ABCA8: variants seen among roughly 807,000 people sequenced by gnomAD.
ABCA8 encodes the protein ABC-type organic anion transporter ABCA8.
Under a neutral mutation model 192.3 loss-of-function variants are expected in ABCA8, and 177 were observed. The ratio of observed to expected loss-of-function variants is 0.92; its 90% CI spans 0.81 to 1.04. The LOEUF (loss-of-function observed/expected upper bound fraction) is 1.04. Ranked by LOEUF, ABCA8 falls within the 50% of genes least tolerant of loss-of-function variation. The pLI, the probability that ABCA8 is intolerant of heterozygous loss-of-function variation, is 0.00. For synonymous variants in ABCA8, 642 were observed against 690.2 expected (o/e 0.93, Z 1.09); for missense variants, 1,915 against 1,904.8 (o/e 1.01, Z -0.10).
intron 12 of ABCA8, 48 bp downstream of exon 12, chr17:68,922,194 C>CTCTTTTTTTTTTTTTTTTTT (rs2067555391): frequency 2.0e-6 from 1 of 495,980 alleles, no homozygotes; most frequent in Non-Finnish European, 2.6e-6. Context: ...TTCTCTCTCT[C>CTCTTTTTTTTTTTTTTTTTT]TTTTTTTTTT....
chr17:68,888,364 G>A (rs1430875174), intron 24 of ABCA8, among the ~76,000 whole-genome samples: 1 of 151,998 alleles, frequency 6.6e-6, no homozygotes, highest in Non-Finnish European at 1.5e-5. Context: ...TATTCTAAGA[G>A]TTGTGAATTT....
chr17:68,922,016 TATTC>T (rs893422096), intron 12 of ABCA8, among the ~76,000 whole-genome samples: 1 of 151,922 alleles, frequency 6.6e-6, no homozygotes, highest in Non-Finnish European at 1.5e-5. Context: ...TTCTAAAACA[TATTC>T]ATTTTTTTCT....
At chr17:68,897,646 C>A (rs1452441827) in intron 21 of ABCA8, among the ~76,000 whole-genome samples, 3 of 151,980 alleles carry the variant, frequency 2.0e-5, no homozygotes, top group Admixed American at 2.0e-4. Flanking sequence ...CAGATTATAC[C>A]AATAAAAAGT....
chr17:68,918,087 G>A lies in ABCA8; in HGVS notation c.2007C>T (p.Leu669=). The change falls in exon 16 of 40, where the codon CTC becomes CTT. Residue 669 remains leucine, a synonymous_variant. Transcript: ENST00000586539. ...CCTCATCCATGAACTGGGTACTGAA[G>A]AGGATCACGCGGTCTGTTTTGCGTT... ...LKERKTDRVI[L]FSTQFMDEAD... 2 of 1,614,222 alleles carry A rather than the reference G, an allele frequency of 1.2e-6. No individual in the cohort carries two copies. The highest frequency in any genetic ancestry group is 1.7e-6 in the Non-Finnish European group (2 of 1,180,038).
intron 13 of ABCA8, among the ~76,000 whole-genome samples, chr17:68,920,997 A>G (rs2067517190): frequency 6.6e-6 from 1 of 152,236 alleles, no homozygotes; most frequent in Non-Finnish European, 1.5e-5. Context: ...TGGCACATAT[A>G]CACCATGGAA....
At chr17:68,894,068 A>AT (rs1282727559) in intron 23 of ABCA8, 105 bp downstream of exon 23, 1 of 1,194,600 alleles carries the variant, frequency 8.4e-7, no homozygotes, top group Admixed American at 1.9e-5. Flanking sequence ...TTAATTTATT[A>AT]TGCAGTGGTT....
chr17:68,868,322 G>C lies in ABCA8; in HGVS notation c.4746C>G (p.Leu1582=). The change falls in exon 39 of 40, where the codon CTC becomes CTG. Residue 1582 remains leucine, a synonymous_variant. Transcript: ENST00000586539. ...KQSFDLEEYS[L]SQSTLEQVFL... ...CCACCTGCTCCAGGGTAGACTGTGA[G>C]AGGCTGTACTCCTCTAGGTCAAAGC... 1 of 1,613,770 alleles carries C rather than the reference G, an allele frequency of 6.2e-7. No homozygotes were observed. Among genetic ancestry groups the C allele is most frequent in the Admixed American group, 1.7e-5 (1 of 59,972 alleles).
chr17:68,905,249 T>C (rs1283714837), intron 19 of ABCA8, among the ~76,000 whole-genome samples: 1 of 151,954 alleles, frequency 6.6e-6, no homozygotes, highest in Non-Finnish European at 1.5e-5. Context: ...TTTCAAGACA[T>C]ATGAAGAAGC....
intron 5 of ABCA8, among the ~76,000 whole-genome samples, chr17:68,935,817 A>G (rs1174504752): frequency 1.3e-5 from 2 of 152,056 alleles, no homozygotes; most frequent in Non-Finnish European, 2.9e-5. Context: ...CCAACGATGT[A>G]TAAGTGTTAT....
At chr17:68,924,894 T>C in intron 10 of ABCA8, 25 bp from the exon 11 acceptor site, 7 of 1,610,020 alleles carry the variant, frequency 4.3e-6, no homozygotes, top group Non-Finnish European at 5.9e-6. Flanking sequence ...GACAATTAAA[T>C]ATTGGGTCAA....
At chr17:68,885,851 T>C (rs983591235) in intron 26 of ABCA8, among the ~76,000 whole-genome samples, 3 of 152,000 alleles carry the variant, frequency 2.0e-5, no homozygotes, top group African/African-American at 7.3e-5. Context: ...CCAGCACCCA[T>C]AGATATAATA....
chr17:68,893,740 T>TTC (rs2066674576), intron 23 of ABCA8, among the ~76,000 whole-genome samples: 11 of 131,230 alleles, frequency 8.4e-5, no homozygotes, highest in South Asian at 2.7e-4. Flanking sequence ...TTTTTCCTTT[T>TTC]CTTTTTTTAT....
chr17:68,891,145 A>C (rs1456454645), intron 24 of ABCA8, among the ~76,000 whole-genome samples: 1 of 152,208 alleles, frequency 6.6e-6, no homozygotes, highest in Admixed American at 6.5e-5. Flanking sequence ...CATTTAAAAT[A>C]TCTACATAAT....
intron 5 of ABCA8, 68 bp from the exon 6 acceptor site, chr17:68,933,339 A>C: frequency 9.6e-7 from 1 of 1,046,278 alleles, no homozygotes; most frequent in African/African-American, 1.6e-5. Flanking sequence ...TGATTTTAAT[A>C]CTGATTATAG....
At chr17:68,933,101 C>T (rs2067952999) in intron 6 of ABCA8, 67 bp downstream of exon 6, 9 of 1,131,568 alleles carry the variant, frequency 8.0e-6, no homozygotes, top group Non-Finnish European at 1.2e-5. Context: ...TTCCATGAAA[C>T]TTTTGATGCC....
chr17:68,900,985 C>CA (rs79585518), intron 21 of ABCA8, among the ~76,000 whole-genome samples: 9 of 151,822 alleles, frequency 5.9e-5, no homozygotes, highest in Non-Finnish European at 1.0e-4. Context: ...AAAATCATCA[C>CA]AAAAAAACAT....
intron 29 of ABCA8, among the ~76,000 whole-genome samples, chr17:68,883,550 C>T (rs939866936): frequency 2.0e-5 from 3 of 152,160 alleles, no homozygotes; most frequent in Admixed American, 1.3e-4. Flanking sequence ...TTCCCCAGTG[C>T]TCCACTGTGG....
chr17:68,885,269 C>T lies in ABCA8; in HGVS notation c.3476G>A (p.Ser1159Asn). ...AAAAGTGAAGATAAATGGAATATCACTTTCGAAGATACTGAACGCAAATCC... is the reference window on the plus strand; with the variant it reads ...AAAAGTGAAGATAAATGGAATATCATTTTCGAAGATACTGAACGCAAATCC... ...VAGFAFSIFESDIPFIFTFLI... is the reference protein window; with the variant it reads ...VAGFAFSIFENDIPFIFTFLI... The change falls in exon 27 of 40, where the codon AGT becomes AAT. Residue 1159 changes from serine to asparagine, a missense_variant. Ser to Asn is a conservative substitution (Grantham distance 46). Transcript: ENST00000586539. 6.2e-7 allele frequency: 1 copy of T among 1,613,304 alleles called. No homozygotes were observed. The highest frequency in any genetic ancestry group is 1.3e-5 in the African/African-American group (1 of 74,954).
chr17:68,893,752 A>C (rs1216682518), intron 23 of ABCA8, among the ~76,000 whole-genome samples: 1 of 58,468 alleles, frequency 1.7e-5, no homozygotes, highest in Non-Finnish European at 3.7e-5. Flanking sequence ...TTTTTTTATT[A>C]TACTTTAGGT....
Sources: allele counts gnomAD v4.1 joint callset (sites outside exome capture counted in the v4.1 genomes callset), GRCh38; gene constraint gnomAD v4.1.1; transcripts MANE v1.5; gene names NCBI Gene and HGNC (gene_info 2026-07-23, HGNC 2026-07-21).